TRAPPC12: variants seen among roughly 807,000 people sequenced by gnomAD.
TRAPPC12 encodes TPR repeat protein 15.
In TRAPPC12, 61 loss-of-function variants were observed where a neutral mutation model predicts 69.2. The ratio of observed to expected loss-of-function variants is 0.88; its 90% CI spans 0.72 to 1.09. TRAPPC12 has a LOEUF of 1.09. Ranked by LOEUF, TRAPPC12 falls within the 50% of genes least tolerant of loss-of-function variation. The pLI is 0.00. For synonymous variants in TRAPPC12, 469 were observed against 438.9 expected (o/e 1.07, Z -0.86); for missense variants, 1,101 against 1,016.4 (o/e 1.08, Z -1.13).
At chr2:3,460,162 G>T (rs1443520497) in intron 7 of TRAPPC12, 101 bp from the exon 8 acceptor site, 11 of 806,786 alleles carry the variant, frequency 1.4e-5, no homozygotes, top group Non-Finnish European at 2.2e-5. Context: ...TAACAAGAGG[G>T]ATCTTTTAAA....
intron 1 of TRAPPC12, among the ~76,000 whole-genome samples, chr2:3,386,834 G>A (rs1031336661): frequency 5.3e-5 from 8 of 152,012 alleles, no homozygotes; most frequent in Admixed American, 5.2e-4. Flanking sequence ...TTATATGGCT[G>A]GAACCTCACA....
At chr2:3,471,537 G>A (rs1666060036) in intron 9 of TRAPPC12, among the ~76,000 whole-genome samples, 1 of 152,194 alleles carries the variant, frequency 6.6e-6, no homozygotes, top group African/African-American at 2.4e-5. Context: ...CCTCCACACA[G>A]CAAGGGGGCT....
intron 2 of TRAPPC12, chr2:3,389,875 T>C (rs553614408): frequency 2.2e-6 from 1 of 451,210 alleles, no homozygotes; most frequent in Non-Finnish European, 4.6e-6. Context: ...GTGGTGTCTC[T>C]CCCAGTGTGG....
At chr2:3,383,328 T>C (rs1241566313) in intron 1 of TRAPPC12, among the ~76,000 whole-genome samples, 1 of 152,216 alleles carries the variant, frequency 6.6e-6, no homozygotes, top group East Asian at 1.9e-4. Flanking sequence ...TTGCCTACTC[T>C]GAAAATATAT....
chr2:3,394,836 T>C lies in TRAPPC12; in HGVS notation c.1047+6166T>C, dbSNP rs1160852553. 3.9e-5 allele frequency among the ~76,000 whole-genome samples: 6 copies of C among 152,256 alleles called. No homozygotes were observed. In the East Asian group the frequency reaches 1.2e-3, roughly 29 times the overall value. On this transcript the variant is annotated intron_variant, in intron 2 of 11. Transcript: ENST00000324266. ...ACCCATTTTCTAGTAAATTATGTTA[T>C]AAATCGTAGGGGAGTTTTTAGAATA...
At chr2:3,382,876 C>T (rs1376759090) in intron 1 of TRAPPC12, among the ~76,000 whole-genome samples, 1 of 152,190 alleles carries the variant, frequency 6.6e-6, no homozygotes, top group Non-Finnish European at 1.5e-5. Flanking sequence ...AGTAAGCCAT[C>T]ATCGTCCCAT....
intron 3 of TRAPPC12, among the ~76,000 whole-genome samples, chr2:3,405,772 T>G (rs1038962326): frequency 1.7e-4 from 26 of 152,246 alleles, no homozygotes; most frequent in African/African-American, 5.3e-4. Context: ...GCTCATACAC[T>G]ATTTTTAAAA....
chr2:3,475,577 GTTAC>G (rs1666257189), intron 9 of TRAPPC12, among the ~76,000 whole-genome samples: 1 of 152,016 alleles, frequency 6.6e-6, no homozygotes, highest in South Asian at 2.1e-4. Flanking sequence ...AAAATGTCAA[GTTAC>G]TTTCTAATCA....
chr2:3,466,596 A>G (rs1331089768), intron 9 of TRAPPC12, among the ~76,000 whole-genome samples: 2 of 152,178 alleles, frequency 1.3e-5, no homozygotes, highest in African/African-American at 4.8e-5. Context: ...CCCTCCACAC[A>G]GTTGCTCACA....
At chr2:3,435,392 A>C (rs1663710037) in intron 5 of TRAPPC12, among the ~76,000 whole-genome samples, 1 of 152,224 alleles carries the variant, frequency 6.6e-6, no homozygotes, top group Admixed American at 6.5e-5. Flanking sequence ...CATTTTTAAA[A>C]TGTTAAAATT....
At chr2:3,447,461 A>G (rs1433769351) in intron 6 of TRAPPC12, among the ~76,000 whole-genome samples, 1 of 152,210 alleles carries the variant, frequency 6.6e-6, no homozygotes, top group Admixed American at 6.5e-5. Context: ...TGAGAAAGAC[A>G]GCGAGAGAGA....
chr2:3,443,798 G>A lies in TRAPPC12; in HGVS notation c.1437G>A (p.Ser479=), dbSNP rs114598423. 3.8e-4 allele frequency: 607 copies of A among 1,614,050 alleles called. 1 individual carries two copies. The African/African-American group carries it at 5.8e-3, about 15-fold the overall frequency. The change falls in exon 6 of 12, where the codon TCG becomes TCA. Residue 479 remains serine (S), a synonymous_variant. Transcript: ENST00000324266. ...PGRRGSMVPF[S]MRILHAELQQ... is the part of the protein sequence containing the mutation. ...TTCCAGGCTCCATGGTCCCCTTCTC[G>A]ATGCGCATCTTGCACGCGGAGCTTC...
rs1028092668 is a variant in TRAPPC12 at position 3,398,173 on chromosome 2, C to A, written c.1048-3604C>A. On this transcript the variant is annotated intron_variant, in intron 2 of 11. Transcript: ENST00000324266. Reference sequence around the variant, plus strand: ...TGTGAGTAATGCTACTGTGAACATTCACACACAGGCGTTTGTGTCTATGTG... The same window carrying A: ...TGTGAGTAATGCTACTGTGAACATTAACACACAGGCGTTTGTGTCTATGTG... 2.8e-4 allele frequency among the ~76,000 whole-genome samples: 42 copies of A among 152,198 alleles called. 1 individual carries two copies. Among genetic ancestry groups the A allele is most frequent in the Non-Finnish European group, 1.5e-4 (10 of 68,038 alleles).
intron 3 of TRAPPC12, among the ~76,000 whole-genome samples, chr2:3,402,414 C>A (rs547178945): frequency 3.9e-5 from 6 of 152,090 alleles, no homozygotes; most frequent in Admixed American, 2.0e-4. Context: ...ACATGGTGAA[C>A]CCCATCTCTA....
chr2:3,438,699 C>T (rs1478399797), intron 5 of TRAPPC12, among the ~76,000 whole-genome samples: 2 of 151,998 alleles, frequency 1.3e-5, no homozygotes, highest in African/African-American at 4.8e-5. Context: ...GTATGTGGTC[C>T]TCAGATTGGC....
chr2:3,416,981 C>T (rs1466608896), intron 3 of TRAPPC12, among the ~76,000 whole-genome samples: 2 of 151,344 alleles, frequency 1.3e-5, no homozygotes, highest in Non-Finnish European at 2.9e-5. Flanking sequence ...CTCTGTGGTA[C>T]CTGCTCCCGC....
chr2:3,388,123 C>A lies in TRAPPC12; in HGVS notation c.500C>A (p.Ala167Glu). The A allele has an allele frequency of 6.3e-7, 1 of 1,584,544 alleles. No homozygotes were observed. Among genetic ancestry groups the A allele is most frequent in the Non-Finnish European group, 8.6e-7 (1 of 1,168,742 alleles). The stretch of plus-strand genomic sequence containing the variant: ...GTGTGCACCATCTTCAGCCAGCGCG[C>A]GCCCCCAGCCTCCGGGGACGGCTTC... The part of the protein sequence containing the change: ...VPVCTIFSQR[A>E]PPASGDGFEP... Residue 167 changes from alanine (A) to glutamate (E), a missense_variant, in exon 2 of 12, where the codon GCG becomes GAG. Transcript: ENST00000324266.
intron 9 of TRAPPC12, among the ~76,000 whole-genome samples, chr2:3,475,696 C>T (rs1051543749): frequency 2.0e-5 from 3 of 152,266 alleles, no homozygotes; most frequent in South Asian, 2.1e-4. Context: ...CCTTGCAGTG[C>T]GGAGGATCAG....
intron 9 of TRAPPC12, among the ~76,000 whole-genome samples, chr2:3,477,167 C>T (rs1278628704): frequency 1.3e-5 from 2 of 152,100 alleles, no homozygotes; most frequent in African/African-American, 4.8e-5. Context: ...GTCGGGCAGC[C>T]GGTGGGTTTC....
Sources: gnomAD v4.1 joint callset for allele counts (sites outside exome capture counted in the v4.1 genomes callset) on GRCh38, gnomAD v4.1.1 for gene constraint, MANE v1.5 for transcripts, NCBI Gene and HGNC (gene_info 2026-07-23, HGNC 2026-07-21) for gene names.